Variants in NDUFS4 observed in about 807,000 individuals in gnomAD.
The protein encoded by NDUFS4 is NADH:ubiquinone oxidoreductase subunit S4.
NDUFS4 carries 28 observed loss-of-function variants against 24.3 expected under a neutral mutation model. The observed-to-expected ratio is 1.15, with a 90% CI of 0.85 to 1.58. The LOEUF (loss-of-function observed/expected upper bound fraction) is 1.58. NDUFS4 is among the 40% of genes most tolerant of loss of function. NDUFS4 has a pLI of 0.00. For missense variants in NDUFS4, 223 were observed against 207.9 expected (o/e 1.07, Z -0.45); for synonymous variants, 93 against 69.7 (o/e 1.34, Z -1.67).
intron 3 of NDUFS4, among the ~76,000 whole-genome samples, 167 bp downstream of exon 3, chr5:53,646,572 T>C (rs1284852568): frequency 8.2e-6 from 1 of 121,412 alleles, no homozygotes; most frequent in African/African-American, 2.7e-5. Flanking sequence ...TATTTAGATA[T>C]TCAGATAAGT....
chr5:53,646,206 G>C, intron 2 of NDUFS4, 27 bp from the exon 3 acceptor site: 1 of 1,555,530 alleles, frequency 6.4e-7, no homozygotes, highest in Non-Finnish European at 8.8e-7. Flanking sequence ...TGTTTGAAAC[G>C]TGTTTTTTTT....
chr5:53,565,013 A>G (rs940579152), intron 1 of NDUFS4, among the ~76,000 whole-genome samples: 1 of 152,232 alleles, frequency 6.6e-6, no homozygotes, highest in Non-Finnish European at 1.5e-5. Context: ...ACAGGATTAC[A>G]TATCCAAAAA....
intron 1 of NDUFS4, among the ~76,000 whole-genome samples, chr5:53,571,888 G>T (rs552957367): frequency 6.6e-6 from 1 of 152,060 alleles, no homozygotes; most frequent in Admixed American, 6.5e-5. Flanking sequence ...TTTTCTTATT[G>T]TTCAGCTTTT....
chr5:53,579,009 A>G (rs1749472830), intron 1 of NDUFS4, among the ~76,000 whole-genome samples: 1 of 152,198 alleles, frequency 6.6e-6, no homozygotes, highest in Non-Finnish European at 1.5e-5. Context: ...AGCATCTACC[A>G]TTCCACTGAA....
chr5:53,605,625 C>A (rs763295379), intron 2 of NDUFS4, among the ~76,000 whole-genome samples: 6 of 152,176 alleles, frequency 3.9e-5, no homozygotes, highest in Non-Finnish European at 4.4e-5. Context: ...AGTTGTCCCT[C>A]AGTACCTGTA....
At chr5:53,679,906 A>G (rs544067124) in intron 4 of NDUFS4, among the ~76,000 whole-genome samples, 18 of 152,266 alleles carry the variant, frequency 1.2e-4, no homozygotes, top group African/African-American at 4.1e-4. Context: ...CAGAATCTAC[A>G]CTAGAAACCA....
intron 1 of NDUFS4, among the ~76,000 whole-genome samples, chr5:53,592,039 G>A (rs1255131112): frequency 6.6e-6 from 1 of 151,850 alleles, no homozygotes; most frequent in Non-Finnish European, 1.5e-5. Context: ...CCCAGGTTCA[G>A]GTGATTCACC....
At chr5:53,621,509 C>T (rs532396509) in intron 2 of NDUFS4, among the ~76,000 whole-genome samples, 1 of 151,734 alleles carries the variant, frequency 6.6e-6, no homozygotes. Context: ...TTTGTTTTAA[C>T]AGTTGCTTTA....
chr5:53,661,336 C>T (rs1488070569), intron 4 of NDUFS4, among the ~76,000 whole-genome samples: 1 of 152,080 alleles, frequency 6.6e-6, no homozygotes, highest in Non-Finnish European at 1.5e-5. Flanking sequence ...TTTCTGAGGG[C>T]TCTGTTCTGT....
chr5:53,568,427 A>G (rs1749109709), intron 1 of NDUFS4, among the ~76,000 whole-genome samples: 1 of 152,174 alleles, frequency 6.6e-6, no homozygotes, highest in African/African-American at 2.4e-5. Context: ...CTTAGGAAAT[A>G]TATTTTTCCT....
At chr5:53,567,008 C>T (rs1270360396) in intron 1 of NDUFS4, among the ~76,000 whole-genome samples, 2 of 151,984 alleles carry the variant, frequency 1.3e-5, no homozygotes, top group Non-Finnish European at 2.9e-5. Flanking sequence ...ACCACCACGC[C>T]TGGATAATTT....
chr5:53,645,574 T>A (rs1751837879), intron 2 of NDUFS4, among the ~76,000 whole-genome samples: 3 of 152,214 alleles, frequency 2.0e-5, no homozygotes, highest in African/African-American at 7.2e-5. Flanking sequence ...TGTTTTCATC[T>A]CACATTTTGG....
chr5:53,591,265 C>T lies in NDUFS4; in HGVS notation c.99-12187C>T, dbSNP rs570547215. ...AGTGTACAGATATCTGTTCTAGTCC[C>T]TGCTTTAGTTTGTCTGAATATAAAT... On this transcript the variant is annotated intron_variant, in intron 1 of 4. Coordinates refer to ENST00000296684, the MANE Select transcript of NDUFS4 (RefSeq NM_002495.4). Among the ~76,000 whole-genome samples, 43 of 152,200 alleles carry T rather than the reference C, an allele frequency of 2.8e-4. No individual in the cohort carries two copies. The South Asian group carries it at 8.1e-3, about 29-fold the overall frequency.
In NDUFS4 at chr5:53,629,736, A is replaced by C. The variant is rs184367536; in HGVS notation, c.178-16497A>C. ...TTTTTTCTTTCCATTTGTTTGGTAG[A>C]TCTTTCTCTATCCCTTTATTTTGAG... On this transcript the variant is annotated intron_variant, in intron 2 of 4. Transcript: ENST00000296684. Among the ~76,000 whole-genome samples the C allele has an allele frequency of 1.2e-4, 18 of 151,424 alleles. No homozygotes were observed. The East Asian group carries it at 2.3e-3, about 20-fold the overall frequency.
intron 1 of NDUFS4, among the ~76,000 whole-genome samples, chr5:53,601,066 G>A (rs531910542): frequency 7.4e-5 from 11 of 148,666 alleles, no homozygotes; most frequent in African/African-American, 2.2e-4. Flanking sequence ...GTGCAGTGGC[G>A]CGATCTCAGC....
intron 3 of NDUFS4, among the ~76,000 whole-genome samples, chr5:53,647,086 A>G (rs1751889816): frequency 6.6e-6 from 1 of 151,288 alleles, no homozygotes; most frequent in South Asian, 2.1e-4. Context: ...TATTATATAT[A>G]TATCTTTTTT....
intron 1 of NDUFS4, among the ~76,000 whole-genome samples, chr5:53,579,994 C>T (rs1271252526): frequency 6.6e-6 from 1 of 152,126 alleles, no homozygotes; most frequent in African/African-American, 2.4e-5. Flanking sequence ...TGATATTAGC[C>T]CTGTGAGACT....
At chr5:53,563,965 TTAAG>T (rs1264884169) in intron 1 of NDUFS4, among the ~76,000 whole-genome samples, 3 of 152,380 alleles carry the variant, frequency 2.0e-5, no homozygotes, top group Admixed American at 6.5e-5. Context: ...ATTCACTTAT[TTAAG>T]TGTGTTCATG....
intron 2 of NDUFS4, among the ~76,000 whole-genome samples, chr5:53,606,047 G>A (rs1352389283): frequency 6.7e-6 from 1 of 148,976 alleles, no homozygotes; most frequent in Admixed American, 6.7e-5. Context: ...AGCCGGGCAT[G>A]GTGGTGGGCG....
Sources: gnomAD v4.1 joint callset for allele counts (sites outside exome capture counted in the v4.1 genomes callset) on GRCh38, gnomAD v4.1.1 for gene constraint, MANE v1.5 for transcripts, NCBI Gene and HGNC (gene_info 2026-07-23, HGNC 2026-07-21) for gene names.